CCDC7: variants seen among roughly 807,000 people sequenced by gnomAD.
CCDC7 encodes the protein coiled-coil domain containing 7.
In CCDC7, 183 loss-of-function variants were observed where a neutral mutation model predicts 196.9. That is an observed-to-expected ratio of 0.93 (90% CI 0.82 to 1.05). The LOEUF is 1.05. CCDC7 is among the 50% of genes least tolerant of loss of function. The pLI is 0.00. For missense variants in CCDC7, 1,540 were observed against 1,482.2 expected, an observed-to-expected ratio of 1.04 and a Z score of -0.64; for synonymous variants, 525 against 484.6, an observed-to-expected ratio of 1.08 and a Z score of -1.10.
At position 32,845,541 on chromosome 10, in the gene CCDC7, A is replaced by G; in HGVS notation, c.3437-2A>G. 1.2e-6 allele frequency: 2 copies of G among 1,602,114 alleles called. No individual in the cohort carries two copies. The highest frequency in any genetic ancestry group is 1.7e-6 in the Non-Finnish European group (2 of 1,170,644). On this transcript the variant is annotated splice_acceptor_variant, in intron 34 of 41. Coordinates refer to ENST00000639629, the Ensembl canonical transcript of CCDC7. LOFTEE classifies it high-confidence loss of function. Reference sequence around the variant, plus strand: ...ATACTGAAATCTGTTTTATTTCTATAGAGACTGATAAGAACTTCTTTGCCT... The same window carrying G: ...ATACTGAAATCTGTTTTATTTCTATGGAGACTGATAAGAACTTCTTTGCCT...
intron 41 of CCDC7, among the ~76,000 whole-genome samples, chr10:32,859,506 G>C (rs895960963): frequency 1.3e-5 from 2 of 152,100 alleles, no homozygotes; most frequent in African/African-American, 2.4e-5. Context: ...ACAATTAAAA[G>C]AACTAGAGAA....
At chr10:32,485,577 T>A (rs2040894577) in intron 8 of CCDC7, among the ~76,000 whole-genome samples, 2 of 152,236 alleles carry the variant, frequency 1.3e-5, no homozygotes, top group African/African-American at 2.4e-5. Context: ...GTTCTTTTAA[T>A]TGTGATGTTA....
intron 33 of CCDC7, among the ~76,000 whole-genome samples, chr10:32,835,402 A>G (rs1565657630): frequency 6.6e-6 from 1 of 152,086 alleles, no homozygotes; most frequent in Non-Finnish European, 1.5e-5. Flanking sequence ...ATGCAGCACT[A>G]TTCACAATAG....
intron 11 of CCDC7, among the ~76,000 whole-genome samples, chr10:32,522,387 G>A (rs1472760868): frequency 6.6e-6 from 1 of 151,952 alleles, no homozygotes; most frequent in African/African-American, 2.4e-5. Context: ...ATTTTTTCAT[G>A]TTTCAATTTT....
At position 32,838,802 on chromosome 10, in the gene CCDC7, A is replaced by G. The variant is rs576932797; in HGVS notation, c.3352+3904A>G. Among the ~76,000 whole-genome samples the G allele has an allele frequency of 1.9e-4, 29 of 152,178 alleles. No homozygotes were observed. In the South Asian group the frequency reaches 5.8e-3, roughly 30 times the overall value. ...GCAGGCTTCTCAGCAGAAGCCCTACATGTTAGAAGGAATTGGGGTCCTATT... is the reference window on the plus strand; with the variant it reads ...GCAGGCTTCTCAGCAGAAGCCCTACGTGTTAGAAGGAATTGGGGTCCTATT... On this transcript the variant is annotated intron_variant, in intron 33 of 41. Coordinates refer to ENST00000639629, the Ensembl canonical transcript of CCDC7.
At chr10:32,497,897 T>C (rs1241226624) in intron 9 of CCDC7, among the ~76,000 whole-genome samples, 1 of 152,238 alleles carries the variant, frequency 6.6e-6, no homozygotes, top group Admixed American at 6.5e-5. Context: ...GTTCTGTAGA[T>C]GTCTATTAGT....
intron 21 of CCDC7, among the ~76,000 whole-genome samples, chr10:32,671,754 G>T (rs1472794071): frequency 6.6e-6 from 1 of 152,104 alleles, no homozygotes; most frequent in African/African-American, 2.4e-5. Context: ...TCCTACAGGG[G>T]TGTGAGGGCG....
chr10:32,553,119 A>ATTTTTTTTTTTTTTTTTTTT (rs2053756832), intron 13 of CCDC7, among the ~76,000 whole-genome samples: 1 of 86,872 alleles, frequency 1.2e-5, no homozygotes, highest in Non-Finnish European at 2.1e-5. Flanking sequence ...TTTTTTTTTT[A>ATTTTTTTTTTTTTTTTTTTT]ATTCTTTTTT....
intron 5 of CCDC7, among the ~76,000 whole-genome samples, chr10:32,469,422 G>C (rs1442003399): frequency 6.6e-6 from 1 of 152,206 alleles, no homozygotes; most frequent in African/African-American, 2.4e-5. Context: ...TGAAGAGGGA[G>C]CAGCTTTCAT....
At chr10:32,742,795 A>G (rs1338215832) in intron 28 of CCDC7, among the ~76,000 whole-genome samples, 1 of 152,176 alleles carries the variant, frequency 6.6e-6, no homozygotes, top group Non-Finnish European at 1.5e-5. Context: ...AAGGCCACCA[A>G]TTCTGTAAGA....
At chr10:32,647,258 A>G (rs1286664003) in intron 20 of CCDC7, among the ~76,000 whole-genome samples, 1 of 152,124 alleles carries the variant, frequency 6.6e-6, no homozygotes, top group Non-Finnish European at 1.5e-5. Context: ...ACTAATCCCA[A>G]CACTTTGGGA....
At position 32,453,339 on chromosome 10, in the gene CCDC7, T is replaced by C. The variant is rs2133387993; in HGVS notation, c.280-5T>C. 3.4e-6 allele frequency: 5 copies of C among 1,486,596 alleles called. No individual in the cohort carries two copies. The East Asian group carries it at 1.2e-4, about 37-fold the overall frequency. The allele number at this position is 1,486,596 out of a possible 1,614,324, so 92.1% of individuals were successfully genotyped here. On this transcript the variant is annotated splice_region_variant and splice_polypyrimidine_tract_variant and intron_variant, in intron 1 of 41. Transcript: ENST00000639629. ...ATCTAATTGGCTTTTATTTTTTTTTTACAGGTTGTTTCCACTTTGGAAGAA... is the reference window on the plus strand; with the variant it reads ...ATCTAATTGGCTTTTATTTTTTTTTCACAGGTTGTTTCCACTTTGGAAGAA...
chr10:32,450,657 T>C (rs952741592), upstream of CCDC7, among the ~76,000 whole-genome samples: 4 of 152,178 alleles, frequency 2.6e-5, no homozygotes, highest in African/African-American at 9.7e-5. Context: ...GCCCAAGACC[T>C]ATCTAGTTTA....
At chr10:32,693,084 T>C (rs1413979) in intron 23 of CCDC7, among the ~76,000 whole-genome samples, 17,246 of 152,236 alleles carry the variant, frequency 0.11, 1,150 homozygotes, top group South Asian at 0.27. Context: ...TCATGTCCAA[T>C]AGTGAGGGTT....
At chr10:32,454,828 G>A (rs1020636132) in intron 2 of CCDC7, among the ~76,000 whole-genome samples, 2 of 152,112 alleles carry the variant, frequency 1.3e-5, no homozygotes, top group African/African-American at 4.8e-5. Context: ...ACCACCTCCT[G>A]TCTTTCCCAC....
At chr10:32,740,141 T>C (rs1241832940) in intron 28 of CCDC7, among the ~76,000 whole-genome samples, 1 of 152,116 alleles carries the variant, frequency 6.6e-6, no homozygotes, top group East Asian at 1.9e-4. Flanking sequence ...AACTGGGTAT[T>C]TCCCTTCCCC....
At chr10:32,645,219 A>G (rs2067546058) in intron 20 of CCDC7, among the ~76,000 whole-genome samples, 1 of 152,196 alleles carries the variant, frequency 6.6e-6, no homozygotes, top group African/African-American at 2.4e-5. Context: ...AAGGATATGG[A>G]GAAAAGGGAA....
chr10:32,630,330 A>G (rs1264942440), intron 18 of CCDC7, among the ~76,000 whole-genome samples: 2 of 149,540 alleles, frequency 1.3e-5, no homozygotes, highest in East Asian at 2.2e-4. Context: ...GTGTGTGTGT[A>G]TATATGTATA....
intron 21 of CCDC7, among the ~76,000 whole-genome samples, chr10:32,673,006 C>T (rs1762534): frequency 0.024 from 3,620 of 152,142 alleles, 63 homozygotes; most frequent in Non-Finnish European, 0.036. Flanking sequence ...TAATTTCATT[C>T]TTTTCCATGT....
Sources: allele counts gnomAD v4.1 joint callset (sites outside exome capture counted in the v4.1 genomes callset), GRCh38; gene constraint gnomAD v4.1.1; transcripts MANE v1.5; gene names NCBI Gene and HGNC (gene_info 2026-07-23, HGNC 2026-07-21).